The following ZBTB5 variants were observed in gnomAD, a reference collection of about 807,000 sequenced individuals.
ZBTB5 encodes the protein zinc finger and BTB domain-containing protein 5.
A neutral mutation model predicts 37.9 loss-of-function variants in ZBTB5; 15 were observed. The ratio of observed to expected loss-of-function variants is 0.40; its 90% CI spans 0.26 to 0.61. The LOEUF is 0.61. ZBTB5 is among the 20% of genes least tolerant of loss of function. ZBTB5 has a pLI of 0.47. For synonymous variants in ZBTB5, 315 were observed against 312.4 expected (o/e 1.01, Z -0.09); for missense variants, 708 against 856.8 (o/e 0.83, Z 2.17).
chr9:37,448,722 A>C (rs1824041045), intron 1 of ZBTB5, among the ~76,000 whole-genome samples: 1 of 152,232 alleles, frequency 6.6e-6, no homozygotes, highest in Non-Finnish European at 1.5e-5. Flanking sequence ...AGAAAATTTA[A>C]AACTATTTGT....
At chr9:37,443,119 A>G (rs560651764) in intron 1 of ZBTB5, among the ~76,000 whole-genome samples, 8 of 152,082 alleles carry the variant, frequency 5.3e-5, no homozygotes, top group African/African-American at 1.9e-4. Context: ...GGAGGCTGAG[A>G]CGGGCAGATC....
At chr9:37,463,991 G>A (rs142056870) in intron 1 of ZBTB5, among the ~76,000 whole-genome samples, 2 of 152,290 alleles carry the variant, frequency 1.3e-5, no homozygotes, top group Admixed American at 6.5e-5. Context: ...ATTTCCATAA[G>A]GGTTAAAAGG....
rs1823856303 is a variant in ZBTB5, at chr9:37,440,917, T to C, written c.1635A>G (p.Val545=). The change falls in exon 2 of 2, where the codon GTA becomes GTG. Residue 545 remains valine, a synonymous_variant. Transcript: ENST00000307750. ...YRRIAPKMPV[V]TSVRSSQIPE... ...GGATCTGTGAGCTCCTGACGGAAGT[T>C]ACAACTGGCATTTTGGGAGCTATGC... The C allele has an allele frequency of 1.2e-6, 2 of 1,614,188 alleles. No homozygotes were observed. The highest frequency in any genetic ancestry group is 1.7e-6 in the Non-Finnish European group (2 of 1,180,036).
At chr9:37,451,457 C>T (rs1192502480) in intron 1 of ZBTB5, among the ~76,000 whole-genome samples, 1 of 147,812 alleles carries the variant, frequency 6.8e-6, no homozygotes, top group East Asian at 2.1e-4. Context: ...ATTTGGGAGG[C>T]TGAGGCACAA....
At chr9:37,455,268 A>G (rs1165362197) in intron 1 of ZBTB5, among the ~76,000 whole-genome samples, 7 of 152,066 alleles carry the variant, frequency 4.6e-5, no homozygotes, top group Non-Finnish European at 8.8e-5. Flanking sequence ...GGGGATGGTC[A>G]GAGAGATCGG....
At chr9:37,453,746 G>A (rs1176249039) in intron 1 of ZBTB5, among the ~76,000 whole-genome samples, 1 of 152,154 alleles carries the variant, frequency 6.6e-6, no homozygotes, top group Non-Finnish European at 1.5e-5. Context: ...TACAGTGATT[G>A]TTTCAGACAA....
chr9:37,448,924 G>T (rs1024078420), intron 1 of ZBTB5, among the ~76,000 whole-genome samples: 1 of 151,430 alleles, frequency 6.6e-6, no homozygotes, highest in African/African-American at 2.4e-5. Flanking sequence ...TGTGCCTGTA[G>T]TCCCAGCTAC....
chr9:37,444,095 A>G (rs1190001548), intron 1 of ZBTB5, among the ~76,000 whole-genome samples: 5 of 152,222 alleles, frequency 3.3e-5, no homozygotes. Flanking sequence ...AAAATAAAAT[A>G]AAAATAAGTG....
chr9:37,442,806 G>A (rs1283709152), intron 1 of ZBTB5, among the ~76,000 whole-genome samples: 1 of 152,152 alleles, frequency 6.6e-6, no homozygotes, highest in East Asian at 1.9e-4. Flanking sequence ...CTTCATATGA[G>A]CCATGTATAA....
chr9:37,445,237 A>T (rs1269049503), intron 1 of ZBTB5, among the ~76,000 whole-genome samples: 1 of 152,192 alleles, frequency 6.6e-6, no homozygotes, highest in African/African-American at 2.4e-5. Context: ...ATGGGGGAAG[A>T]GGGTAGAGGA....
intron 1 of ZBTB5, among the ~76,000 whole-genome samples, chr9:37,445,871 CG>C (rs1370819306): frequency 2.0e-5 from 3 of 151,798 alleles, no homozygotes; most frequent in Admixed American, 6.6e-5. Flanking sequence ...GAGACTGAGG[CG>C]GGCAGATTGT....
In ZBTB5 at chr9:37,440,966, G is replaced by A; in HGVS notation, c.1586C>T (p.Ala529Val). 1 of 1,614,210 alleles carries A rather than the reference G, an allele frequency of 6.2e-7. No homozygotes were observed. The change falls in exon 2 of 2, where the codon GCC (alanine) becomes GTC (valine). Residue 529 changes from alanine to valine, a missense_variant. Physicochemically the swap from Ala to Val is moderately conservative, Grantham distance 64 (BLOSUM62 0). Coordinates refer to ENST00000307750, the MANE Select transcript of ZBTB5 (RefSeq NM_014872.3). ...RVMIGSPRGG[A>V]SNFPYYRRIA... ...GCGGCGGTAGTAAGGAAAGTTACTG[G>A]CTCCTCCCCTTGGGGAACCTATCAT...
At chr9:37,445,657 GAAA>G (rs1344864915) in intron 1 of ZBTB5, among the ~76,000 whole-genome samples, 2 of 150,546 alleles carry the variant, frequency 1.3e-5, no homozygotes, top group African/African-American at 2.4e-5. Flanking sequence ...AAAAAAAAAA[GAAA>G]AAAGAAATAT....
intron 1 of ZBTB5, among the ~76,000 whole-genome samples, chr9:37,458,203 A>G (rs980041279): frequency 1.3e-5 from 2 of 152,262 alleles, no homozygotes; most frequent in African/African-American, 4.8e-5. Flanking sequence ...AATGCCAAAC[A>G]TCTGTGCTGA....
intron 1 of ZBTB5, among the ~76,000 whole-genome samples, chr9:37,455,318 A>G (rs145261925): frequency 1.2e-3 from 190 of 152,098 alleles, no homozygotes; most frequent in African/African-American, 4.2e-3. Context: ...TCATCTTCCC[A>G]CTCCATCCCC....
At position 37,440,189 on chromosome 9, in the gene ZBTB5, C is replaced by T. The variant is rs1249989663; in HGVS notation, c.*329G>A. On this transcript the variant is annotated 3_prime_UTR_variant, in exon 2 of 2. Coordinates refer to ENST00000307750, the MANE Select transcript of ZBTB5 (RefSeq NM_014872.3). Reference sequence around the variant, plus strand: ...GAAATTTAAATGCTACACAGTTTTACAAAAATTGCTAAAAAATTTTTTTTG... The same window carrying T: ...GAAATTTAAATGCTACACAGTTTTATAAAAATTGCTAAAAAATTTTTTTTG... 2 of 314,392 alleles carry T rather than the reference C, an allele frequency of 6.4e-6. No individual in the cohort carries two copies. The highest frequency in any genetic ancestry group is 1.2e-5 in the Non-Finnish European group (2 of 167,510). 19.5% of individuals were successfully genotyped at this position (314,392 alleles called of 1,614,324 possible).
At chr9:37,455,962 T>G (rs560841636) in intron 1 of ZBTB5, among the ~76,000 whole-genome samples, 5 of 151,690 alleles carry the variant, frequency 3.3e-5, no homozygotes, top group Admixed American at 6.6e-5. Flanking sequence ...TTTTTTTTCT[T>G]TTTTTGAGGC....
intron 1 of ZBTB5, among the ~76,000 whole-genome samples, chr9:37,447,992 AAAAT>A (rs917126677): frequency 1.1e-4 from 17 of 152,266 alleles, no homozygotes; most frequent in African/African-American, 1.7e-4. Context: ...CCTCATCTCT[AAAAT>A]AAATAAATAA....
chr9:37,442,324 G>C lies in ZBTB5; in HGVS notation c.228C>G (p.Ala76=), dbSNP rs747197333. 6.2e-7 allele frequency: 1 copy of C among 1,614,190 alleles called. No homozygotes were observed. Among genetic ancestry groups the C allele is most frequent in the East Asian group, 2.2e-5 (1 of 44,886 alleles). ...QLDSEVVTAE[A]FAALIDMMYT... ...ACATCATGTCAATCAGTGCAGCAAAGGCCTCTGCTGTCACCACCTCGCTAT... is the reference window on the plus strand; with the variant it reads ...ACATCATGTCAATCAGTGCAGCAAACGCCTCTGCTGTCACCACCTCGCTAT... Residue 76 remains alanine (A), a synonymous_variant, in exon 2 of 2, where the codon GCC becomes GCG. Coordinates refer to ENST00000307750, the MANE Select transcript of ZBTB5 (RefSeq NM_014872.3).
Sources: gnomAD v4.1 joint callset for allele counts (sites outside exome capture counted in the v4.1 genomes callset) on GRCh38, gnomAD v4.1.1 for gene constraint, MANE v1.5 for transcripts, NCBI Gene and HGNC (gene_info 2026-07-23, HGNC 2026-07-21) for gene names.